The following RPP30 variants were observed in gnomAD, a reference collection of about 807,000 sequenced individuals.
The protein encoded by RPP30 is ribonuclease P protein subunit p30.
In RPP30, 36 loss-of-function variants were observed where a neutral mutation model predicts 38.6. That is an observed-to-expected ratio of 0.93 (90% CI 0.71 to 1.23). The LOEUF is 1.23. RPP30 is among the 50% of genes most tolerant of loss of function. The pLI is 0.00. For missense variants in RPP30, 321 were observed against 321.7 expected, an observed-to-expected ratio of 1.00 and a Z score of 0.02; for synonymous variants, 126 against 112.7, an observed-to-expected ratio of 1.12 and a Z score of -0.75.
rs534596918 is a variant in RPP30, at chr10:90,901,549, A to G, written c.*870A>G. 3.5e-5 allele frequency: 34 copies of G among 985,184 alleles called. No individual in the cohort carries two copies. Among genetic ancestry groups the G allele is most frequent in the Non-Finnish European group, 4.0e-5 (33 of 829,862 alleles). 61.0% of individuals were successfully genotyped at this position (985,184 alleles called of 1,614,324 possible). On this transcript the variant is annotated 3_prime_UTR_variant, in exon 11 of 11. Transcript: ENST00000371703. ...TAAGGTCTTTGAAATAGGATTCCTT[A>G]CTTTTAGTTAGAAACCCCTAAAACG...
At chr10:90,891,389 C>A (rs1847079978) in intron 6 of RPP30, among the ~76,000 whole-genome samples, 1 of 152,200 alleles carries the variant, frequency 6.6e-6, no homozygotes, top group South Asian at 2.1e-4. Flanking sequence ...TAGGGGCCTA[C>A]CCTATTCCAA....
Position 90,900,602 on chromosome 10 carries a change from A to G in RPP30, c.730A>G (p.Thr244Ala), listed in dbSNP as rs769774903. Reference sequence around the variant, plus strand: ...AAAAACTGCTTTTGGAATTATCTCTACAGTGAAGAAACCTCGGCCATCAGA... The same window carrying G: ...AAAAACTGCTTTTGGAATTATCTCTGCAGTGAAGAAACCTCGGCCATCAGA... ...TRKTAFGIISTVKKPRPSEGD... is the reference protein window; with the variant it reads ...TRKTAFGIISAVKKPRPSEGD... Residue 244 changes from threonine (T) to alanine (A), a missense_variant, in exon 11 of 11, where the codon ACA (threonine) becomes GCA (alanine). Coordinates refer to ENST00000371703, the MANE Select transcript of RPP30 (RefSeq NM_006413.5). 5 of 1,613,498 alleles carry G rather than the reference A, an allele frequency of 3.1e-6. No individual in the cohort carries two copies. The African/African-American group carries it at 5.3e-5, about 17-fold the overall frequency.
intron 5 of RPP30, among the ~76,000 whole-genome samples, chr10:90,883,042 A>G (rs1433623808): frequency 6.6e-6 from 1 of 152,154 alleles, no homozygotes; most frequent in Non-Finnish European, 1.5e-5. Context: ...CATTTTTGAT[A>G]CATTCTTTAG....
chr10:90,877,929 T>C (rs1846872901), intron 4 of RPP30, among the ~76,000 whole-genome samples: 1 of 152,246 alleles, frequency 6.6e-6, no homozygotes. Flanking sequence ...ATCTCCATCA[T>C]ATAATAGAAG....
intron 6 of RPP30, among the ~76,000 whole-genome samples, chr10:90,887,577 G>A (rs1460423948): frequency 6.6e-6 from 1 of 151,414 alleles, no homozygotes; most frequent in Non-Finnish European, 1.5e-5. Flanking sequence ...AGTAGAGATG[G>A]GGTTTTACCA....
chr10:90,879,140 T>G lies in RPP30; in HGVS notation c.342+6T>G. ...AGACAGAAAAGCTTTTTCATGTGAG[T>G]AACAGATAAGTAAAAGAAAGTAGTG... On this transcript the variant is annotated splice_donor_region_variant and intron_variant, in intron 5 of 10. Transcript: ENST00000371703. 1.2e-6 allele frequency: 2 copies of G among 1,608,086 alleles called. No individual in the cohort carries two copies. Among genetic ancestry groups the G allele is most frequent in the Non-Finnish European group, 8.5e-7 (1 of 1,174,586 alleles).
rs376101644 is a variant in RPP30, at chr10:90,874,863, T to C, written c.83-6T>C. ...TTAACAAAAGTGTTCAATTTTTCTT[T>C]TTCAGTTGGCTATTCAGTTGTTGCT... On this transcript the variant is annotated splice_region_variant and splice_polypyrimidine_tract_variant and intron_variant, in intron 1 of 10. Coordinates refer to ENST00000371703, the MANE Select transcript of RPP30 (RefSeq NM_006413.5). 57 of 1,593,392 alleles carry C rather than the reference T, an allele frequency of 3.6e-5. No homozygotes were observed. The African/African-American group carries it at 7.3e-4, about 20-fold the overall frequency.
intron 9 of RPP30, 27 bp from the exon 10 acceptor site, chr10:90,896,286 G>T: frequency 2.5e-6 from 4 of 1,605,974 alleles, no homozygotes; most frequent in Non-Finnish European, 3.4e-6. Flanking sequence ...GGTGACTCTG[G>T]GTTGAAATCT....
At position 90,885,901 on chromosome 10, in the gene RPP30, G is replaced by A. The variant is rs1188075588; in HGVS notation, c.432G>A (p.Val144=). 1.3e-6 allele frequency: 2 copies of A among 1,566,414 alleles called. No homozygotes were observed. Among genetic ancestry groups the A allele is most frequent in the East Asian group, 2.3e-5 (1 of 44,368 alleles). The change falls in exon 6 of 11, where the codon GTG becomes GTA. Residue 144 remains valine (V), a splice_region_variant and synonymous_variant. Coordinates refer to ENST00000371703, the MANE Select transcript of RPP30 (RefSeq NM_006413.5). ...PFYFKRPPIN[V]AIDRGLAFEL... is the part of the protein sequence containing the mutation. ...ACTTCAAAAGACCTCCTATTAATGTGGTAAGTGTACTTTCCATTCTGTATT... is the reference window on the plus strand; with the variant it reads ...ACTTCAAAAGACCTCCTATTAATGTAGTAAGTGTACTTTCCATTCTGTATT...
intron 1 of RPP30, among the ~76,000 whole-genome samples, chr10:90,874,538 A>G (rs991070512): frequency 6.6e-6 from 1 of 152,242 alleles, no homozygotes; most frequent in African/African-American, 2.4e-5. Flanking sequence ...TCATTTTAAT[A>G]ATAATTCATA....
At chr10:90,885,683 G>A in intron 5 of RPP30, 129 bp from the exon 6 acceptor site, 1 of 649,640 alleles carries the variant, frequency 1.5e-6, no homozygotes, top group Non-Finnish European at 2.7e-6. Flanking sequence ...AAGGTCAGAT[G>A]TATTTCAACA....
intron 5 of RPP30, among the ~76,000 whole-genome samples, chr10:90,884,437 T>A (rs1021785359): frequency 4.6e-5 from 7 of 152,236 alleles, no homozygotes; most frequent in African/African-American, 1.7e-4. Flanking sequence ...TTTGCCAGTA[T>A]GATCGATAAA....
chr10:90,897,357 T>A (rs143320774), intron 10 of RPP30, among the ~76,000 whole-genome samples: 1 of 152,324 alleles, frequency 6.6e-6, no homozygotes, highest in Non-Finnish European at 1.5e-5. Flanking sequence ...TATTGAGGGC[T>A]TGTGTGTTGG....
intron 10 of RPP30, among the ~76,000 whole-genome samples, chr10:90,897,928 A>G (rs1046778353): frequency 3.3e-5 from 5 of 152,232 alleles, no homozygotes; most frequent in Non-Finnish European, 7.3e-5. Flanking sequence ...GTCTTGTGTT[A>G]TAAACAATCC....
chr10:90,893,811 C>A (rs897280664), intron 6 of RPP30, among the ~76,000 whole-genome samples: 1 of 152,230 alleles, frequency 6.6e-6, no homozygotes, highest in South Asian at 2.1e-4. Context: ...TCATCTCCCC[C>A]ACTAAAATGT....
intron 6 of RPP30, among the ~76,000 whole-genome samples, chr10:90,893,617 T>C (rs1264567969): frequency 1.3e-5 from 2 of 152,194 alleles, no homozygotes; most frequent in Non-Finnish European, 2.9e-5. Context: ...ATTATTTTTC[T>C]CCAGCATTTG....
In RPP30 at chr10:90,900,316, G is replaced by C. The variant is rs543210816; in HGVS notation, c.698-254G>C. Among the ~76,000 whole-genome samples, 17 of 152,354 alleles carry C rather than the reference G, an allele frequency of 1.1e-4. No individual in the cohort carries two copies. The South Asian group carries it at 2.7e-3, about 24-fold the overall frequency. The stretch of plus-strand genomic sequence containing the variant: ...CTGGCTACATAAGATGCCATGGACA[G>C]ACCATTAGAGATAACACTGTCCTGC... On this transcript the variant is annotated intron_variant, in intron 10 of 10. Transcript: ENST00000371703.
At chr10:90,896,028 C>G (rs981868631) in intron 9 of RPP30, 111 bp downstream of exon 9, 1 of 820,478 alleles carries the variant, frequency 1.2e-6, no homozygotes, top group Non-Finnish European at 2.0e-6. Flanking sequence ...TGTAAGTTTA[C>G]CAATTAATAA....
chr10:90,893,403 A>T (rs1228610596), intron 6 of RPP30, among the ~76,000 whole-genome samples: 1 of 152,174 alleles, frequency 6.6e-6, no homozygotes, highest in Admixed American at 6.5e-5. Flanking sequence ...GACTTGGACC[A>T]TACTGCCTAG....
Sources: gnomAD v4.1 joint callset for allele counts (sites outside exome capture counted in the v4.1 genomes callset) on GRCh38, gnomAD v4.1.1 for gene constraint, MANE v1.5 for transcripts, NCBI Gene and HGNC (gene_info 2026-07-23, HGNC 2026-07-21) for gene names.